The following DOCK4 variants were observed in gnomAD, a reference collection of about 807,000 sequenced individuals.
DOCK4 encodes dedicator of cytokinesis 4.
In DOCK4, 97 loss-of-function variants were observed where a neutral mutation model predicts 268.1. The ratio of observed to expected loss-of-function variants is 0.36; its 90% CI spans 0.31 to 0.43. The LOEUF (loss-of-function observed/expected upper bound fraction) is 0.43. DOCK4 is among the 20% of genes least tolerant of loss of function. The pLI is 1.00. For missense variants in DOCK4, 2,145 were observed against 2,455.7 expected (o/e 0.87, Z 2.67); for synonymous variants, 954 against 887.2 (o/e 1.08, Z -1.34).
chr7:111,799,616 T>C (rs1356032775), intron 30 of DOCK4, among the ~76,000 whole-genome samples: 2 of 152,104 alleles, frequency 1.3e-5, no homozygotes, highest in African/African-American at 4.8e-5. Context: ...GTCCTAAACA[T>C]AAATGTGAAG....
chr7:112,044,698 T>C (rs1433769173), intron 1 of DOCK4, among the ~76,000 whole-genome samples: 1 of 152,152 alleles, frequency 6.6e-6, no homozygotes, highest in Non-Finnish European at 1.5e-5. Flanking sequence ...CCTCGTGAAA[T>C]ACAACTCTCT....
chr7:111,766,373 A>G (rs1797760288), intron 38 of DOCK4, among the ~76,000 whole-genome samples: 1 of 152,128 alleles, frequency 6.6e-6, no homozygotes, highest in South Asian at 2.1e-4. Context: ...TGATGATCCT[A>G]TTTTAGAAAC....
At chr7:111,895,497 T>A (rs1347367214) in intron 16 of DOCK4, 115 bp downstream of exon 16, 2 of 897,874 alleles carry the variant, frequency 2.2e-6, no homozygotes, top group Non-Finnish European at 3.6e-6. Flanking sequence ...CTGACAGCAA[T>A]CTTACAAGAA....
chr7:112,007,759 C>T (rs1399483215), intron 1 of DOCK4, among the ~76,000 whole-genome samples: 5 of 152,130 alleles, frequency 3.3e-5, no homozygotes. Flanking sequence ...CCATACACCA[C>T]GTATGCATTA....
At chr7:111,800,782 C>G (rs897099825) in intron 30 of DOCK4, among the ~76,000 whole-genome samples, 1 of 152,096 alleles carries the variant, frequency 6.6e-6, no homozygotes, top group African/African-American at 2.4e-5. Flanking sequence ...GGAGAAGGCC[C>G]AACTGCTGTT....
intron 36 of DOCK4, among the ~76,000 whole-genome samples, chr7:111,775,467 A>G (rs956281211): frequency 6.6e-6 from 1 of 152,186 alleles, no homozygotes; most frequent in Non-Finnish European, 1.5e-5. Flanking sequence ...TAACACAACT[A>G]TTGGAGGACT....
rs58936299 is a variant in DOCK4 at position 111,976,158 on chromosome 7, A to AT, written c.701+973_701+974insA. Among the ~76,000 whole-genome samples, 562 of 84,050 alleles carry AT rather than the reference A, an allele frequency of 6.7e-3. 30 individuals are homozygous for AT. The highest frequency in any genetic ancestry group is 9.4e-3 in the Non-Finnish European group (451 of 47,974). 55.1% of individuals were successfully genotyped at this position (84,050 alleles called of 152,430 possible). Reference sequence around the variant, plus strand: ...TCCATCTCAAAAAAAAAAAAAAAAAAAAAATATATATATATATATACACAC... The same window carrying AT: ...TCCATCTCAAAAAAAAAAAAAAAAAATAAAATATATATATATATATACACAC... On this transcript the variant is annotated intron_variant, in intron 8 of 52. Transcript: ENST00000428084.
At chr7:112,182,700 C>T (rs933114972) in intron 1 of DOCK4, among the ~76,000 whole-genome samples, 1 of 152,222 alleles carries the variant, frequency 6.6e-6, no homozygotes, top group Non-Finnish European at 1.5e-5. Context: ...ACTCACTGGA[C>T]AGACAGAAGA....
chr7:111,998,212 T>C (rs748099245), intron 4 of DOCK4, among the ~76,000 whole-genome samples: 1 of 152,194 alleles, frequency 6.6e-6, no homozygotes, highest in Admixed American at 6.5e-5. Context: ...ATTCCCTGAT[T>C]TGTGGACACT....
chr7:111,941,427 T>TA (rs1389252975), intron 10 of DOCK4, among the ~76,000 whole-genome samples: 1 of 152,082 alleles, frequency 6.6e-6, no homozygotes, highest in Non-Finnish European at 1.5e-5. Flanking sequence ...GTCACTTTTT[T>TA]AAATGAAAAA....
intron 23 of DOCK4, among the ~76,000 whole-genome samples, chr7:111,857,755 A>C (rs1805130876): frequency 6.6e-6 from 1 of 151,926 alleles, no homozygotes; most frequent in Non-Finnish European, 1.5e-5. Flanking sequence ...GCCCTAAACT[A>C]TGTCTCTGCT....
At chr7:112,034,904 AAAAC>A (rs1266471891) in intron 1 of DOCK4, among the ~76,000 whole-genome samples, 3 of 152,176 alleles carry the variant, frequency 2.0e-5, no homozygotes, top group African/African-American at 7.2e-5. Context: ...ACTCAGTCTC[AAAAC>A]AAACAAACAA....
At chr7:111,958,631 G>C (rs1562936592) in intron 8 of DOCK4, among the ~76,000 whole-genome samples, 1 of 152,154 alleles carries the variant, frequency 6.6e-6, no homozygotes, top group Non-Finnish European at 1.5e-5. Flanking sequence ...TAGAGTGAAA[G>C]GGAAAGAGAA....
intron 1 of DOCK4, among the ~76,000 whole-genome samples, chr7:112,015,107 A>G (rs1586645487): frequency 6.6e-6 from 1 of 152,194 alleles, no homozygotes; most frequent in South Asian, 2.1e-4. Context: ...TCATTAGGAC[A>G]TTGCTGATAA....
intron 1 of DOCK4, among the ~76,000 whole-genome samples, chr7:112,059,422 G>A (rs566543686): frequency 5.3e-5 from 8 of 152,052 alleles, no homozygotes; most frequent in South Asian, 4.1e-4. Context: ...GATTACAGGC[G>A]CGAGCCACCA....
Position 111,726,760 on chromosome 7 carries a change from C to T in DOCK4, c.*1514G>A, listed in dbSNP as rs992077321. The T allele has an allele frequency of 6.6e-6, 1 of 152,494 alleles. No homozygotes were observed. The highest frequency in any genetic ancestry group is 2.4e-5 in the African/African-American group (1 of 41,410). The allele number at this position is 152,494 out of a possible 1,614,324, so 9.4% of individuals were successfully genotyped here. ...ATCATACTGCATCAACAACTGTTTG[C>T]GTTTATTTTTACTTTTTTTTACACA... On this transcript the variant is annotated 3_prime_UTR_variant, in exon 53 of 53. Transcript: ENST00000428084.
rs375177592 is a variant in DOCK4, at chr7:111,972,413, A to G, written c.701+4719T>C. Among the ~76,000 whole-genome samples the G allele has an allele frequency of 2.2e-4, 33 of 152,104 alleles. No individual in the cohort carries two copies. In the East Asian group the frequency reaches 5.6e-3, roughly 26 times the overall value. ...CATCTGTAAAATTGGTGCTAATAAT[A>G]TATTTAAAGCACTTAGAACAGAGTA... On this transcript the variant is annotated intron_variant, in intron 8 of 52. Coordinates refer to ENST00000428084, the MANE Select transcript of DOCK4 (RefSeq NM_001363540.2).
At chr7:111,971,282 AT>A in intron 8 of DOCK4, 1 of 158,776 alleles carries the variant, frequency 6.3e-6, no homozygotes, top group African/African-American at 2.4e-5. Flanking sequence ...TGAGCCAAAG[AT>A]TTTAGACTCA....
chr7:112,114,701 T>C (rs920837168), intron 1 of DOCK4, among the ~76,000 whole-genome samples: 3 of 152,022 alleles, frequency 2.0e-5, no homozygotes, highest in Non-Finnish European at 4.4e-5. Flanking sequence ...GAGATTTTTA[T>C]TGCTTCATCA....
Sources: allele counts gnomAD v4.1 joint callset (sites outside exome capture counted in the v4.1 genomes callset), GRCh38; gene constraint gnomAD v4.1.1; transcripts MANE v1.5; gene names NCBI Gene and HGNC (gene_info 2026-07-23, HGNC 2026-07-21).